The following AQP5 variants were observed in gnomAD, a reference collection of about 807,000 sequenced individuals.
AQP5 encodes the protein aquaporin 5, also known as aquaporin-5.
A neutral mutation model predicts 19.1 loss-of-function variants in AQP5; 15 were observed. That is an observed-to-expected ratio of 0.79 (90% CI 0.53 to 1.21). The LOEUF (loss-of-function observed/expected upper bound fraction) is 1.21. Ranked by LOEUF, AQP5 falls within the 50% of genes most tolerant of loss-of-function variation. The pLI, the probability that AQP5 is intolerant of heterozygous loss-of-function variation, is 0.00. For missense variants in AQP5, 355 were observed against 357.1 expected, an observed-to-expected ratio of 0.99 and a Z score of 0.05; for synonymous variants, 182 against 160.3, an observed-to-expected ratio of 1.14 and a Z score of -1.02.
At position 49,965,105 on chromosome 12, in the gene AQP5, G is replaced by A. The variant is rs41308104; in HGVS notation, c.726G>A (p.Thr242=). The change falls in exon 4 of 4, where the codon ACG becomes ACA. Residue 242 remains threonine (T), a synonymous_variant. Transcript: ENST00000293599. The stretch of plus-strand genomic sequence containing the variant: ...AGCGTGTGGCCATCATCAAAGGCAC[G>A]TATGAGCCTGACGAGGACTGGGAGG... ...LSERVAIIKG[T]YEPDEDWEEQ... is the part of the protein sequence containing the mutation. 24,364 of 1,614,018 alleles carry A rather than the reference G, an allele frequency of 0.015. 232 individuals carry two copies. Among genetic ancestry groups the A allele is most frequent in the Non-Finnish European group, 0.017 (19,567 of 1,179,978 alleles).
At position 49,962,109 on chromosome 12, in the gene AQP5, C is replaced by T; in HGVS notation, c.92C>T (p.Ser31Leu). ...TLIFVFFGLG[S>L]ALKWPSALPT... Reference sequence around the variant, plus strand: ...ATCTTCGTCTTCTTTGGCCTGGGCTCGGCCCTCAAGTGGCCGTCGGCGCTG... The same window carrying T: ...ATCTTCGTCTTCTTTGGCCTGGGCTTGGCCCTCAAGTGGCCGTCGGCGCTG... The change falls in exon 1 of 4, where the codon TCG becomes TTG. Residue 31 changes from serine to leucine, a missense_variant. By Grantham distance (145) the Ser-to-Leu change is moderately radical (BLOSUM62 -2). Coordinates refer to ENST00000293599, the MANE Select transcript of AQP5 (RefSeq NM_001651.4). 1.9e-6 allele frequency: 3 copies of T among 1,613,556 alleles called. No individual in the cohort carries two copies. The highest frequency in any genetic ancestry group is 1.7e-5 in the Admixed American group (1 of 60,022).
chr12:49,964,304 A>G, intron 3 of AQP5, 129 bp downstream of exon 3: 1 of 979,770 alleles, frequency 1.0e-6, no homozygotes, highest in Non-Finnish European at 1.6e-6. Flanking sequence ...GTGGTGGCTG[A>G]CAGAGAAAGG....
Position 49,963,732 on chromosome 12 carries a change from G to A in AQP5, c.528+76G>A. 5.2e-6 allele frequency: 8 copies of A among 1,532,500 alleles called. No homozygotes were observed. The South Asian group carries it at 9.8e-5, about 19-fold the overall frequency. 94.9% of individuals were successfully genotyped at this position (1,532,500 alleles called of 1,614,324 possible). On this transcript the variant is annotated intron_variant, in intron 2 of 3. Transcript: ENST00000293599. ...GCAAATAATGGAGCCCTGGAGCGGA[G>A]CCCACTTCAGATGGATGAGTCCAGC... is the stretch of plus-strand genomic sequence containing the variant.
chr12:49,963,583 C>G lies in AQP5; in HGVS notation c.455C>G (p.Ser152Cys). ...CTCTGCATCTTCGCCTCCACTGACT[C>G]CCGCCGCACCAGCCCTGTGGGCTCC... ...LALCIFASTD[S>C]RRTSPVGSPA... The change falls in exon 2 of 4, where the codon TCC (serine) becomes TGC (cysteine). Residue 152 changes from serine (S) to cysteine (C), a missense_variant. By Grantham distance (112) the Ser-to-Cys change is moderately radical. Coordinates refer to ENST00000293599, the MANE Select transcript of AQP5 (RefSeq NM_001651.4). 6.2e-7 allele frequency: 1 copy of G among 1,613,876 alleles called. No homozygotes were observed. The highest frequency in any genetic ancestry group is 8.5e-7 in the Non-Finnish European group (1 of 1,180,038).
intron 1 of AQP5, among the ~76,000 whole-genome samples, 167 bp from the exon 2 acceptor site, chr12:49,963,325 T>C (rs986587578): frequency 8.5e-5 from 13 of 152,234 alleles, no homozygotes; most frequent in Non-Finnish European, 1.9e-4. Flanking sequence ...AACTATGAAA[T>C]GTACAGTGTC....
Position 49,964,973 on chromosome 12 carries a change from C to G in AQP5, c.613-19C>G, listed in dbSNP as rs557728750. 18 of 1,607,416 alleles carry G rather than the reference C, an allele frequency of 1.1e-5. No individual in the cohort carries two copies. The highest frequency in any genetic ancestry group is 1.4e-5 in the Non-Finnish European group (17 of 1,176,784). On this transcript the variant is annotated intron_variant, in intron 3 of 3. Coordinates refer to ENST00000293599, the MANE Select transcript of AQP5 (RefSeq NM_001651.4). Reference sequence around the variant, plus strand: ...AGGTCTGGGGCTCAGCGCCCTGACTCCTGCCCTGTCTCCACCAGGTTTTCT... The same window carrying G: ...AGGTCTGGGGCTCAGCGCCCTGACTGCTGCCCTGTCTCCACCAGGTTTTCT...
intron 2 of AQP5, 29 bp from the exon 3 acceptor site, chr12:49,964,063 T>C (rs943690656): frequency 1.0e-5 from 16 of 1,596,548 alleles, no homozygotes; most frequent in Non-Finnish European, 1.2e-5. Flanking sequence ...GGATGTTGCC[T>C]TTCTCTCCAC....
Position 49,965,180 on chromosome 12 carries a change from A to C in AQP5, c.*3A>C, listed in dbSNP as rs1947476840. ...CCATGGAGCTGACCACCCGCTGACC[A>C]GTGTCAGGCAGGGGCCAGCCCCTCA... On this transcript the variant is annotated 3_prime_UTR_variant, in exon 4 of 4. Transcript: ENST00000293599. 1.2e-6 allele frequency: 2 copies of C among 1,602,858 alleles called. No individual in the cohort carries two copies. The highest frequency in any genetic ancestry group is 1.3e-5 in the African/African-American group (1 of 74,504).
chr12:49,965,348 C>G lies in AQP5; in HGVS notation c.*171C>G, dbSNP rs74091169. 1.1e-3 allele frequency: 861 copies of G among 783,230 alleles called. 4 individuals carry two copies. The African/African-American group carries it at 0.013, about 12-fold the overall frequency. The allele number at this position is 783,230 out of a possible 1,614,324, so 48.5% of individuals were successfully genotyped here. ...GGGAGAAGGAACCCATGATGGGACT[C>G]CTGGGGTAGGGGCCAGGGGCTGGGG... is the stretch of plus-strand genomic sequence containing the variant. On this transcript the variant is annotated 3_prime_UTR_variant, in exon 4 of 4. Transcript: ENST00000293599.
rs774602292 is a variant in AQP5 at position 49,965,003 on chromosome 12, A to G, written c.624A>G (p.Val208=). 3.7e-6 allele frequency: 6 copies of G among 1,612,986 alleles called. No individual in the cohort carries two copies. The highest frequency in any genetic ancestry group is 2.5e-6 in the Non-Finnish European group (3 of 1,179,456). Residue 208 remains valine, a synonymous_variant, in exon 4 of 4, where the codon GTA becomes GTG. Coordinates refer to ENST00000293599, the MANE Select transcript of AQP5 (RefSeq NM_001651.4). The part of the protein sequence containing the change: ...RFSPAHWVFW[V]GPIVGAVLAA... ...CCTGTCTCCACCAGGTTTTCTGGGTAGGGCCCATCGTGGGGGCGGTCCTGG... is the reference window on the plus strand; with the variant it reads ...CCTGTCTCCACCAGGTTTTCTGGGTGGGGCCCATCGTGGGGGCGGTCCTGG...
rs757913702 is a variant in AQP5, at chr12:49,962,124, C to T, written c.107C>T (p.Pro36Leu). ...FFGLGSALKW[P>L]SALPTILQIA... Reference sequence around the variant, plus strand: ...GGCCTGGGCTCGGCCCTCAAGTGGCCGTCGGCGCTGCCTACCATCCTGCAG... The same window carrying T: ...GGCCTGGGCTCGGCCCTCAAGTGGCTGTCGGCGCTGCCTACCATCCTGCAG... The change falls in exon 1 of 4, where the codon CCG (proline) becomes CTG (leucine). Residue 36 changes from proline to leucine, a missense_variant. By Grantham distance (98) the Pro-to-Leu change is moderately conservative. Coordinates refer to ENST00000293599, the MANE Select transcript of AQP5 (RefSeq NM_001651.4). 3.1e-6 allele frequency: 5 copies of T among 1,613,402 alleles called. No homozygotes were observed. In the East Asian group the frequency reaches 8.9e-5, roughly 29 times the overall value.
At position 49,964,982 on chromosome 12, in the gene AQP5, T is replaced by G; in HGVS notation, c.613-10T>G. The G allele has an allele frequency of 6.2e-7, 1 of 1,610,570 alleles. No individual in the cohort carries two copies. The highest frequency in any genetic ancestry group is 8.5e-7 in the Non-Finnish European group (1 of 1,178,336). On this transcript the variant is annotated splice_polypyrimidine_tract_variant and intron_variant, in intron 3 of 3. Coordinates refer to ENST00000293599, the MANE Select transcript of AQP5 (RefSeq NM_001651.4). ...GCTCAGCGCCCTGACTCCTGCCCTG[T>G]CTCCACCAGGTTTTCTGGGTAGGGC...
chr12:49,963,369 A>G, intron 1 of AQP5, 123 bp from the exon 2 acceptor site: 17 of 1,320,866 alleles, frequency 1.3e-5, no homozygotes, highest in Non-Finnish European at 1.8e-5. Context: ...CGATGTCCAC[A>G]GGACTTGGCT....
Position 49,961,933 on chromosome 12 carries a change from C to A in AQP5, c.-85C>A. The stretch of plus-strand genomic sequence containing the variant: ...CGGCGCCCCGCAGCCAGGCCCCCGC[C>A]CCCGCCGCATCCACCTCCTCCGCCG... On this transcript the variant is annotated 5_prime_UTR_variant, in exon 1 of 4. Coordinates refer to ENST00000293599, the MANE Select transcript of AQP5 (RefSeq NM_001651.4). 1 of 887,782 alleles carries A rather than the reference C, an allele frequency of 1.1e-6. No individual in the cohort carries two copies. The highest frequency in any genetic ancestry group is 1.5e-6 in the Non-Finnish European group (1 of 686,274). 55.0% of individuals were successfully genotyped at this position (887,782 alleles called of 1,614,324 possible).
chr12:49,962,347 G>GCT lies in AQP5; in HGVS notation c.332_333dup (p.Asn112SerfsTer26), dbSNP rs778992512. The GCT allele has an allele frequency of 2.5e-6, 4 of 1,600,578 alleles. No individual in the cohort carries two copies. In the African/African-American group the frequency reaches 5.4e-5, roughly 22 times the overall value. ...CTGGCATCCTCTACGGTGTGGCACC[G>GCT]CTCAATGCCCGGGGCAATCTGGCCG... On this transcript the variant is annotated frameshift_variant, in exon 1 of 4. Transcript: ENST00000293599. LOFTEE classifies it high-confidence loss of function.
chr12:49,962,517 A>AAGGCCAGGAAGGCAACAGCCTCCCC, intron 1 of AQP5, 137 bp downstream of exon 1: 1 of 1,363,542 alleles, frequency 7.3e-7, no homozygotes, highest in Admixed American at 2.9e-5. Flanking sequence ...AGAGCCTCCC[A>AAGGCCAGGAAGGCAACAGCCTCCCC]AGGCCAGGAA....
chr12:49,962,719 G>C, intron 1 of AQP5: 1 of 253,424 alleles, frequency 3.9e-6, no homozygotes, highest in Non-Finnish European at 7.7e-6. Flanking sequence ...CACCTCAGTG[G>C]AGCGGTTGAG....
In AQP5 at chr12:49,965,208, C is replaced by G; in HGVS notation, c.*31C>G. On this transcript the variant is annotated 3_prime_UTR_variant, in exon 4 of 4. Coordinates refer to ENST00000293599, the MANE Select transcript of AQP5 (RefSeq NM_001651.4). The stretch of plus-strand genomic sequence containing the variant: ...GTCAGGCAGGGGCCAGCCCCTCAGC[C>G]CCTGAGCCAAGGGGGAAAAGAAGAA... 1 of 1,558,834 alleles carries G rather than the reference C, an allele frequency of 6.4e-7. No individual in the cohort carries two copies. Among genetic ancestry groups the G allele is most frequent in the Non-Finnish European group, 8.7e-7 (1 of 1,155,322 alleles).
intron 3 of AQP5, chr12:49,964,687 C>T (rs1250681180): frequency 4.1e-6 from 4 of 985,198 alleles, no homozygotes; most frequent in Middle Eastern, 5.2e-4. Flanking sequence ...CTCTGAGGAC[C>T]CACGTGTCCC....
Sources: gnomAD v4.1 joint callset for allele counts (sites outside exome capture counted in the v4.1 genomes callset) on GRCh38, gnomAD v4.1.1 for gene constraint, MANE v1.5 for transcripts, NCBI Gene and HGNC (gene_info 2026-07-23, HGNC 2026-07-21) for gene names.